The following CACNA1C variants were observed in gnomAD, a reference collection of about 807,000 sequenced individuals.
The protein encoded by CACNA1C is calcium voltage-gated channel subunit alpha1 C.
A neutral mutation model predicts 229.0 loss-of-function variants in CACNA1C; 30 were observed. The observed-to-expected ratio is 0.13, with a 90% CI of 0.10 to 0.18. The LOEUF is 0.18. Ranked by LOEUF, CACNA1C falls within the 10% of genes least tolerant of loss-of-function variation. The pLI is 1.00. For synonymous variants in CACNA1C, 1,114 were observed against 1,132.5 expected (o/e 0.98, Z 0.33); for missense variants, 1,658 against 2,845.0 (o/e 0.58, Z 9.49).
intron 3 of CACNA1C, among the ~76,000 whole-genome samples, chr12:2,143,816 T>G (rs1232563862): frequency 6.6e-6 from 1 of 151,188 alleles, no homozygotes; most frequent in African/African-American, 2.4e-5. Context: ...TTGTGGTACC[T>G]CCTCTAGTGA....
chr12:2,136,728 G>A (rs73050437), intron 3 of CACNA1C, among the ~76,000 whole-genome samples: 2,876 of 151,226 alleles, frequency 0.019, 165 homozygotes, highest in Non-Finnish European at 0.028. Context: ...CAAAGGGGAG[G>A]CCTTTTCATC....
intron 1 of CACNA1C, among the ~76,000 whole-genome samples, chr12:2,012,611 A>G (rs2044638056): frequency 6.6e-6 from 1 of 152,254 alleles, no homozygotes; most frequent in Non-Finnish European, 1.5e-5. Context: ...AATACACAAT[A>G]GATTGGAAGC....
At chr12:2,573,400 T>A (rs961858276) in intron 13 of CACNA1C, among the ~76,000 whole-genome samples, 1 of 152,236 alleles carries the variant, frequency 6.6e-6, no homozygotes, top group East Asian at 1.9e-4. Context: ...TTTGATAGTT[T>A]TTGACTGAGA....
Position 2,152,138 on chromosome 12 carries a change from C to A in CACNA1C, c.477+31708C>A, listed in dbSNP as rs2095310704. On this transcript the variant is annotated intron_variant, in intron 3 of 46. Transcript: ENST00000399655. The surrounding 1 kb of genome is among the most constrained non-coding windows in gnomAD (Gnocchi z 4.2). Reference sequence around the variant, plus strand: ...CCCTAGATAGCTGCGTTGCAATGGACCACATTATGGCATGCACATTAATGT... The same window carrying A: ...CCCTAGATAGCTGCGTTGCAATGGAACACATTATGGCATGCACATTAATGT... Among the ~76,000 whole-genome samples the A allele has an allele frequency of 6.6e-6, 1 of 152,178 alleles. No homozygotes were observed. Among genetic ancestry groups the A allele is most frequent in the African/African-American group, 2.4e-5 (1 of 41,440 alleles).
intron 1 of CACNA1C, among the ~76,000 whole-genome samples, chr12:2,091,102 T>C (rs2070667172): frequency 6.6e-6 from 1 of 152,214 alleles, no homozygotes; most frequent in African/African-American, 2.4e-5. Flanking sequence ...TCCTCAGATA[T>C]CGGGACTGGC....
rs191652678 is a variant in CACNA1C at position 2,457,699 on chromosome 12, A to G, written c.750A>G (p.Gly250=). 6.3e-7 allele frequency: 1 copy of G among 1,590,190 alleles called. No homozygotes were observed. Among genetic ancestry groups the G allele is most frequent in the East Asian group, 2.2e-5 (1 of 44,476 alleles). ...RVLRPLRLVS[G]VPSLQVVLNS... is the part of the protein sequence containing the mutation. ...TGCGCCCCCTGCGGCTGGTGTCCGG[A>G]GTCCCAAGTAAGTGAAGCCCGTTCT... Residue 250 remains glycine (G), a synonymous_variant, in exon 5 of 47, where the codon GGA becomes GGG. Coordinates refer to ENST00000399655, the MANE Select transcript of CACNA1C (RefSeq NM_000719.7).
rs1041784737 is a variant in CACNA1C at position 2,467,827 on chromosome 12, C to G, written c.757+10121C>G. ...AGGTGCCCCTGAAAGACGCCTGGGC[C>G]AGCAGCTCAAGGCCCACTCAGAGTC... On this transcript the variant is annotated intron_variant, in intron 5 of 46. Coordinates refer to ENST00000399655, the MANE Select transcript of CACNA1C (RefSeq NM_000719.7). This position sits in a 1 kb window ranked among gnomAD's most constrained non-coding sequence, Gnocchi z 4.6. 2.6e-5 allele frequency among the ~76,000 whole-genome samples: 4 copies of G among 152,220 alleles called. No homozygotes were observed. The highest frequency in any genetic ancestry group is 9.6e-5 in the African/African-American group (4 of 41,464).
intron 3 of CACNA1C, chr12:2,222,168 CCT>C (rs1020808536): frequency 1.3e-5 from 2 of 152,050 alleles, no homozygotes; most frequent in East Asian, 1.9e-4. Flanking sequence ...TAAAAAAAGC[CCT>C]GTTATTTGAA....
intron 1 of CACNA1C, among the ~76,000 whole-genome samples, chr12:2,033,200 C>CA (rs1341090637): frequency 6.6e-6 from 1 of 152,126 alleles, no homozygotes; most frequent in Non-Finnish European, 1.5e-5. Flanking sequence ...AAGGTGTGGA[C>CA]AGGATGTCCC....
chr12:2,512,909 G>A lies in CACNA1C; in HGVS notation c.1315G>A (p.Asp439Asn). 1 of 1,612,936 alleles carries A rather than the reference G, an allele frequency of 6.2e-7. No individual in the cohort carries two copies. The highest frequency in any genetic ancestry group is 8.5e-7 in the Non-Finnish European group (1 of 1,179,492). The stretch of plus-strand genomic sequence containing the variant: ...AGAAGAGGATCTCAAAGGCTACCTG[G>A]ATTGGATCACTCAGGCCGAAGACAT... ...QLEEDLKGYL[D>N]WITQAEDIDP... Residue 439 changes from aspartate (D) to asparagine (N), a missense_variant, in exon 9 of 47, where the codon GAT becomes AAT. By Grantham distance (23) the Asp-to-Asn change is conservative. This residue lies in a region of CACNA1C where 149 missense variants were observed against 194.2 expected (regional missense o/e 0.77). Transcript: ENST00000399655. This position sits in a 1 kb window ranked among gnomAD's most constrained non-coding sequence, Gnocchi z 4.3.
intron 3 of CACNA1C, among the ~76,000 whole-genome samples, chr12:2,358,895 C>T (rs144565190): frequency 1.3e-5 from 2 of 152,214 alleles, no homozygotes; most frequent in African/African-American, 4.8e-5. Context: ...TTCTGTGCCT[C>T]TTCCACTGCC....
intron 3 of CACNA1C, among the ~76,000 whole-genome samples, chr12:2,305,234 A>G (rs889457671): frequency 3.9e-5 from 6 of 152,230 alleles, no homozygotes; most frequent in African/African-American, 1.4e-4. Context: ...CTAGGAACAT[A>G]GAATTTAAAA....
intron 1 of CACNA1C, chr12:1,993,186 A>G (rs1350335648): frequency 1.3e-6 from 2 of 1,597,552 alleles, no homozygotes; most frequent in Non-Finnish European, 1.7e-6. Flanking sequence ...TGCAAACACA[A>G]TGGCAAACAC....
intron 3 of CACNA1C, among the ~76,000 whole-genome samples, chr12:2,259,861 A>G (rs2079398740): frequency 6.6e-6 from 1 of 152,176 alleles, no homozygotes; most frequent in Non-Finnish European, 1.5e-5. Flanking sequence ...GCTTGAGCCC[A>G]GGAGGTGGAG....
chr12:2,146,784 T>C (rs1157846066), intron 3 of CACNA1C, among the ~76,000 whole-genome samples: 1 of 151,236 alleles, frequency 6.6e-6, no homozygotes, highest in African/African-American at 2.4e-5. Context: ...TCCCCTCTTT[T>C]CTGCAGAATG....
chr12:2,578,026 A>G (rs7978306), intron 13 of CACNA1C, among the ~76,000 whole-genome samples: 127,450 of 151,086 alleles, frequency 0.84, 53,946 homozygotes, highest in East Asian at 0.99. Flanking sequence ...CCGCTACCAC[A>G]CCCGGCTAAT....
chr12:2,504,373 G>A lies in CACNA1C; in HGVS notation c.1114-469G>A, dbSNP rs533778840. The A allele has an allele frequency of 1.1e-6, 1 of 911,308 alleles. No homozygotes were observed. Among genetic ancestry groups the A allele is most frequent in the African/African-American group, 1.6e-5 (1 of 61,450 alleles). 56.5% of individuals were successfully genotyped at this position (911,308 alleles called of 1,614,324 possible). On this transcript the variant is annotated intron_variant, in intron 7 of 46. Transcript: ENST00000399655. The surrounding 1 kb of genome is among the most constrained non-coding windows in gnomAD (Gnocchi z 6.8). ...CCCTCCCAATCTGCTCACACCTGCT[G>A]CCTGCCTCTTTGCTGTAACCCAATT...
intron 1 of CACNA1C, among the ~76,000 whole-genome samples, chr12:2,021,538 G>A (rs955820365): frequency 6.6e-5 from 10 of 152,070 alleles, no homozygotes; most frequent in Admixed American, 2.6e-4. Flanking sequence ...AAATAAGCAG[G>A]GCGTAGTGGT....
intron 1 of CACNA1C, among the ~76,000 whole-genome samples, chr12:2,008,766 A>G (rs867471629): frequency 5.3e-5 from 8 of 152,368 alleles, no homozygotes; most frequent in African/African-American, 1.4e-4. Flanking sequence ...AATCATACTC[A>G]GAGAAAAAAG....
Sources: gnomAD v4.1 joint callset for allele counts (sites outside exome capture counted in the v4.1 genomes callset) on GRCh38, gnomAD v4.1.1 for gene constraint, gnomAD v4.1.1 regional missense constraint, Gnocchi (gnomAD v3.1) non-coding constraint, MANE v1.5 for transcripts, NCBI Gene and HGNC (gene_info 2026-07-23, HGNC 2026-07-21) for gene names.